Variants in WDFY4 observed in about 807,000 individuals in gnomAD.
The protein encoded by WDFY4 is WD repeat- and FYVE domain-containing protein 4.
WDFY4 carries 169 observed loss-of-function variants against 351.9 expected under a neutral mutation model. The ratio of observed to expected loss-of-function variants is 0.48; its 90% confidence interval spans 0.42 to 0.55. The LOEUF is 0.55. Among genes scored for constraint, WDFY4 ranks in the 20% least tolerant of loss-of-function variants. The probability of loss-of-function intolerance (pLI) is 0.00; values close to 1 mark genes in which losing one functional copy is unlikely to be tolerated. For missense variants in WDFY4, 3,803 were observed against 3,935.6 expected (o/e 0.97, Z 0.90); for synonymous variants, 1,622 against 1,574.6 (o/e 1.03, Z -0.71).
chr10:48,796,220 T>A, intron 23 of WDFY4, 78 bp from the exon 24 acceptor site: 1 of 1,463,054 alleles, frequency 6.8e-7, no homozygotes. Context: ...GTTTGCAGAC[T>A]GGACTGGGAC....
chr10:48,830,899 C>G lies in WDFY4; in HGVS notation c.6526+14C>G. ...AGCATTACTTAGGTCTCTATCCACT[C>G]GGCTCCAGGGAATGGGAACTCCTGG... On this transcript the variant is annotated intron_variant, in intron 38 of 61. Coordinates refer to ENST00000325239, the MANE Select transcript of WDFY4 (RefSeq NM_001394531.1). The G allele has an allele frequency of 6.5e-7, 1 of 1,546,032 alleles. No individual in the cohort carries two copies. The highest frequency in any genetic ancestry group is 8.7e-7 in the Non-Finnish European group (1 of 1,143,004).
At chr10:48,890,055 C>A (rs1384030360) in intron 43 of WDFY4, among the ~76,000 whole-genome samples, 1 of 152,218 alleles carries the variant, frequency 6.6e-6, no homozygotes, top group Non-Finnish European at 1.5e-5. Flanking sequence ...AGGATCTGGG[C>A]AGAGCACCGT....
chr10:48,686,450 C>A (rs1304226487), intron 1 of WDFY4, among the ~76,000 whole-genome samples: 2 of 152,072 alleles, frequency 1.3e-5, no homozygotes, highest in Non-Finnish European at 2.9e-5. Context: ...TCTCTGAGGT[C>A]CTCTTCATGC....
In WDFY4 at chr10:48,803,304, G is replaced by A; in HGVS notation, c.4429G>A (p.Asp1477Asn). The change falls in exon 25 of 62, where the codon GAC (aspartate) becomes AAC (asparagine). Residue 1477 changes from aspartate (D) to asparagine (N), a missense_variant. This residue lies in a region of WDFY4 where 3,054 missense variants were observed against 3,148.6 expected (regional missense o/e 0.97). Transcript: ENST00000325239. ...CNFELWMNTADNLELSLFSHL... is the reference protein window; with the variant it reads ...CNFELWMNTANNLELSLFSHL... Reference sequence around the variant, plus strand: ...CTTCCAGCTCTGGATGAATACTGCAGACAATCTGGAGCTCAGCCTCTTTTC... The same window carrying A: ...CTTCCAGCTCTGGATGAATACTGCAAACAATCTGGAGCTCAGCCTCTTTTC... 1 of 1,552,006 alleles carries A rather than the reference G, an allele frequency of 6.4e-7. No homozygotes were observed. Among genetic ancestry groups the A allele is most frequent in the Non-Finnish European group, 8.7e-7 (1 of 1,147,062 alleles).
At chr10:48,745,438 T>C (rs540789312) in intron 12 of WDFY4, 304 of 247,650 alleles carry the variant, frequency 1.2e-3, no homozygotes, top group African/African-American at 6.8e-3. Context: ...TGGATCGAAT[T>C]TGTCAATTGT....
chr10:48,731,711 A>C, intron 9 of WDFY4, 149 bp downstream of exon 9: 1 of 1,019,720 alleles, frequency 9.8e-7, no homozygotes, highest in Non-Finnish European at 1.4e-6. Flanking sequence ...AGTTTCACAA[A>C]AGACAGGCAG....
At chr10:48,691,719 T>C (rs17009407) in intron 1 of WDFY4, among the ~76,000 whole-genome samples, 2,667 of 152,336 alleles carry the variant, frequency 0.018, 77 homozygotes, top group African/African-American at 0.06. Flanking sequence ...CGCTCTAATA[T>C]CGACTTTTAA....
At chr10:48,781,487 G>C (rs2066223841) in intron 19 of WDFY4, among the ~76,000 whole-genome samples, 4 of 151,928 alleles carry the variant, frequency 2.6e-5, no homozygotes, top group Admixed American at 2.6e-4. Context: ...GTAGAGACGG[G>C]GTTTCACCAG....
intron 47 of WDFY4, among the ~76,000 whole-genome samples, chr10:48,923,508 A>ATATATATATATATATGTATGTATGTG (rs1440549937): frequency 5.5e-5 from 8 of 146,258 alleles, no homozygotes; most frequent in Non-Finnish European, 9.0e-5. Context: ...ATATATATAT[A>ATATATATATATATATGTATGTATGTG]TATATGTCCC....
chr10:48,890,797 T>G, intron 44 of WDFY4, 70 bp downstream of exon 44: 5 of 1,534,988 alleles, frequency 3.3e-6, no homozygotes, highest in Non-Finnish European at 4.4e-6. Flanking sequence ...GCCCCCACTA[T>G]TCCCCTTCTC....
intron 47 of WDFY4, among the ~76,000 whole-genome samples, chr10:48,939,488 C>T (rs890251583): frequency 1.3e-5 from 2 of 152,222 alleles, no homozygotes; most frequent in Admixed American, 1.3e-4. Context: ...ACTTCACAGC[C>T]AGAGCTCTTT....
intron 9 of WDFY4, among the ~76,000 whole-genome samples, chr10:48,732,282 A>G (rs1287802660): frequency 1.3e-5 from 2 of 152,148 alleles, no homozygotes; most frequent in African/African-American, 4.8e-5. Flanking sequence ...ACTTTCTGAT[A>G]GGAAGCAAAG....
At chr10:48,687,611 C>CTTTTT (rs57413418) in intron 1 of WDFY4, among the ~76,000 whole-genome samples, 74 of 101,278 alleles carry the variant, frequency 7.3e-4, no homozygotes, top group Non-Finnish European at 1.1e-3. Context: ...ATAGGCCATT[C>CTTTTT]TTTTTTTTTT....
In WDFY4 at chr10:48,817,350, C is replaced by T. The variant is rs1386588789; in HGVS notation, c.5446C>T (p.Arg1816Ter). Residue 1816 changes from arginine (R) to a stop codon, truncating the protein, a stop_gained, in exon 32 of 62, where the codon CGA (arginine) becomes TGA (stop). Coordinates refer to ENST00000325239, the MANE Select transcript of WDFY4 (RefSeq NM_001394531.1). LOFTEE classifies it high-confidence loss of function. Reference protein sequence around the residue: ...HRTYPQDPAWRAPEFLQTLAI... With the variant: ...HRTYPQDPAW ...CACCTACCCCCAGGACCCAGCGTGG[C>T]GAGCCCCGGAGTTCCTCCAGACCTT... 8 of 1,551,532 alleles carry T rather than the reference C, an allele frequency of 5.2e-6. No individual in the cohort carries two copies. The highest frequency in any genetic ancestry group is 2.4e-5 in the East Asian group (1 of 40,920).
intron 58 of WDFY4, 166 bp downstream of exon 58, chr10:48,975,207 G>T (rs1414362114): frequency 1.1e-6 from 1 of 879,958 alleles, no homozygotes; most frequent in African/African-American, 1.7e-5. Flanking sequence ...TAGCACCCAG[G>T]TCTAGCTTCA....
intron 39 of WDFY4, among the ~76,000 whole-genome samples, chr10:48,859,038 G>A (rs184512392): frequency 1.3e-5 from 2 of 152,070 alleles, no homozygotes; most frequent in African/African-American, 4.8e-5. Flanking sequence ...TATTATGTGT[G>A]TGTTGATCTT....
chr10:48,759,302 C>T (rs901544746), intron 12 of WDFY4, among the ~76,000 whole-genome samples: 1 of 152,190 alleles, frequency 6.6e-6, no homozygotes, highest in Non-Finnish European at 1.5e-5. Flanking sequence ...TCCTCAGCTT[C>T]CTCTTCTTCA....
chr10:48,969,002 G>A, intron 55 of WDFY4, 62 bp from the exon 56 acceptor site: 4 of 1,509,666 alleles, frequency 2.6e-6, no homozygotes, highest in Non-Finnish European at 3.6e-6. Context: ...CCTGCCTGGG[G>A]GCCCAGCTGT....
At chr10:48,850,441 T>C (rs1420166344) in intron 39 of WDFY4, among the ~76,000 whole-genome samples, 1 of 152,206 alleles carries the variant, frequency 6.6e-6, no homozygotes, top group Admixed American at 6.5e-5. Context: ...GTTCAAATGG[T>C]TCCAGCTTTT....
Sources: allele counts gnomAD v4.1 joint callset (sites outside exome capture counted in the v4.1 genomes callset), GRCh38; gene constraint gnomAD v4.1.1; regional missense constraint gnomAD v4.1.1; transcripts MANE v1.5; gene names NCBI Gene and HGNC (gene_info 2026-07-23, HGNC 2026-07-21).